RYR2: variants seen among roughly 807,000 people sequenced by gnomAD.
The protein encoded by RYR2 is cardiac muscle ryanodine receptor-calcium release channel.
Under a neutral mutation model 601.1 loss-of-function variants are expected in RYR2, and 227 were observed. The observed-to-expected ratio is 0.38, with a 90% confidence interval of 0.34 to 0.42. RYR2 has a LOEUF of 0.42. RYR2 is among the 10% of genes least tolerant of loss of function. The pLI is 1.00. For missense variants in RYR2, 4,646 were observed against 6,156.5 expected (o/e 0.75, Z 8.21); for synonymous variants, 2,223 against 2,175.1 (o/e 1.02, Z -0.61).
chr1:237,265,627 A>G (rs1043587549), intron 1 of RYR2, among the ~76,000 whole-genome samples: 4 of 152,070 alleles, frequency 2.6e-5, no homozygotes, highest in African/African-American at 9.7e-5. Context: ...TGGCCTGCTC[A>G]AGGATTTTTT....
At chr1:237,637,020 G>T (rs1483449943) in intron 44 of RYR2, among the ~76,000 whole-genome samples, 1 of 152,150 alleles carries the variant, frequency 6.6e-6, no homozygotes, top group Non-Finnish European at 1.5e-5. Flanking sequence ...GATTGTCTGG[G>T]ACTAGGTGTG....
At position 237,815,192 on chromosome 1, in the gene RYR2, T is replaced by C. The variant is rs114805453; in HGVS notation, c.14434-3844T>C. The stretch of plus-strand genomic sequence containing the variant: ...GCACCTTCCTTCCTCATTACTCAGA[T>C]TGTCTGAAAGAAGCACATCTTTTTG... On this transcript the variant is annotated intron_variant, in intron 100 of 104. Transcript: ENST00000366574. Among the ~76,000 whole-genome samples, 111 of 152,286 alleles carry C rather than the reference T, an allele frequency of 7.3e-4. 1 individual carries two copies. The highest frequency in any genetic ancestry group is 2.3e-3 in the African/African-American group (95 of 41,566).
rs1301505729 is a variant in RYR2 at position 237,711,801 on chromosome 1, T to C, written c.10287T>C (p.Ser3429=). The change falls in exon 71 of 105, where the codon TCT becomes TCC. Residue 3429 remains serine, a synonymous_variant. Transcript: ENST00000366574. ...FVVQNEINNM[S]FLITDTKSKM... is the part of the protein sequence containing the mutation. The stretch of plus-strand genomic sequence containing the variant: ...TACAGAATGAAATCAACAATATGTC[T>C]TTCCTTATTACTGATACCAAGTCAA... 1 of 1,566,208 alleles carries C rather than the reference T, an allele frequency of 6.4e-7. No individual in the cohort carries two copies. The highest frequency in any genetic ancestry group is 1.1e-5 in the South Asian group (1 of 89,218).
chr1:237,199,271 C>A (rs143813299), intron 1 of RYR2, among the ~76,000 whole-genome samples: 102 of 152,300 alleles, frequency 6.7e-4, no homozygotes, highest in Non-Finnish European at 1.1e-3. Context: ...CCACAATAGG[C>A]CATCTGCAAG....
chr1:237,423,296 A>G, intron 12 of RYR2, 48 bp downstream of exon 12: 1 of 1,570,794 alleles, frequency 6.4e-7, no homozygotes, highest in Non-Finnish European at 8.7e-7. Context: ...ACCCGGTCAT[A>G]TTTCCTTTGA....
intron 1 of RYR2, among the ~76,000 whole-genome samples, chr1:237,251,756 A>G (rs1687486580): frequency 6.6e-6 from 1 of 152,148 alleles, no homozygotes; most frequent in South Asian, 2.1e-4. Context: ...TGCCAACTTG[A>G]TATCTCACTT....
At chr1:237,159,007 G>C (rs1021308488) in intron 1 of RYR2, among the ~76,000 whole-genome samples, 1 of 152,220 alleles carries the variant, frequency 6.6e-6, no homozygotes, top group African/African-American at 2.4e-5. Flanking sequence ...TATGAGTAAG[G>C]CCAGGCGCAG....
intron 1 of RYR2, among the ~76,000 whole-genome samples, chr1:237,068,808 C>A (rs1250250263): frequency 1.3e-5 from 2 of 152,086 alleles, no homozygotes; most frequent in African/African-American, 2.4e-5. Flanking sequence ...ATAAAATGAA[C>A]TTCCCTTTAC....
intron 58 of RYR2, among the ~76,000 whole-genome samples, chr1:237,669,329 C>T (rs549865961): frequency 6.6e-6 from 1 of 152,144 alleles, no homozygotes; most frequent in African/African-American, 2.4e-5. Context: ...CCCCACCTTT[C>T]CCCCCTCTCT....
At chr1:237,828,178 C>T (rs965752870) in intron 101 of RYR2, among the ~76,000 whole-genome samples, 1 of 152,066 alleles carries the variant, frequency 6.6e-6, no homozygotes, top group Non-Finnish European at 1.5e-5. Flanking sequence ...AGTGTATGTC[C>T]CAGTAACTGC....
intron 20 of RYR2, among the ~76,000 whole-genome samples, chr1:237,498,794 G>A (rs530712815): frequency 1.4e-4 from 22 of 152,276 alleles, no homozygotes; most frequent in African/African-American, 5.3e-4. Context: ...AAAATTTAGT[G>A]AATCTGTGGA....
At position 237,602,008 on chromosome 1, in the gene RYR2, C is replaced by T; in HGVS notation, c.4597-17C>T. The T allele has an allele frequency of 6.2e-7, 1 of 1,601,864 alleles. No individual in the cohort carries two copies. The highest frequency in any genetic ancestry group is 8.5e-7 in the Non-Finnish European group (1 of 1,171,640). ...GTTTCATTACTAACATTATTAAATTCATTAAATGTATTTCAGGTGGAACCG... is the reference window on the plus strand; with the variant it reads ...GTTTCATTACTAACATTATTAAATTTATTAAATGTATTTCAGGTGGAACCG... On this transcript the variant is annotated splice_polypyrimidine_tract_variant and intron_variant, in intron 34 of 104. Coordinates refer to ENST00000366574, the MANE Select transcript of RYR2 (RefSeq NM_001035.3).
At chr1:237,210,097 C>A (rs918220961) in intron 1 of RYR2, among the ~76,000 whole-genome samples, 1 of 148,362 alleles carries the variant, frequency 6.7e-6, no homozygotes, top group Non-Finnish European at 1.5e-5. Flanking sequence ...ATTCATTTTT[C>A]TGTGTATCTG....
chr1:237,395,317 G>C (rs1256503500), intron 10 of RYR2, among the ~76,000 whole-genome samples: 1 of 152,060 alleles, frequency 6.6e-6, no homozygotes, highest in Non-Finnish European at 1.5e-5. Context: ...GGATATTTTT[G>C]TCAGCCTATA....
intron 63 of RYR2, among the ~76,000 whole-genome samples, chr1:237,698,500 A>T (rs886895490): frequency 6.6e-6 from 1 of 152,186 alleles, no homozygotes; most frequent in Non-Finnish European, 1.5e-5. Flanking sequence ...GAATTCAGGC[A>T]AATTAATTCA....
At chr1:237,676,125 T>C (rs1044011872) in intron 60 of RYR2, among the ~76,000 whole-genome samples, 8 of 152,120 alleles carry the variant, frequency 5.3e-5, no homozygotes, top group Non-Finnish European at 1.2e-4. Context: ...CTGATCTACA[T>C]TTGAAAGGAT....
In RYR2 at chr1:237,180,791, C is replaced by A; in HGVS notation, c.49-89706C>A. On this transcript the variant is annotated intron_variant, in intron 1 of 104. Coordinates refer to ENST00000366574, the MANE Select transcript of RYR2 (RefSeq NM_001035.3). The surrounding 1 kb of genome is among the most constrained non-coding windows in gnomAD (Gnocchi z 5.3). ...TAGTAATATGCTAACATGAATTATA[C>A]CAATTATATAATAATTACTAATTTC... Among the ~76,000 whole-genome samples the A allele has an allele frequency of 6.9e-6, 1 of 145,432 alleles. No individual in the cohort carries two copies.
At chr1:237,756,803 G>A (rs1438356277) in intron 81 of RYR2, among the ~76,000 whole-genome samples, 2 of 152,154 alleles carry the variant, frequency 1.3e-5, no homozygotes, top group African/African-American at 2.4e-5. Context: ...CACAAACAGC[G>A]TGGCTGTGTT....
intron 48 of RYR2, among the ~76,000 whole-genome samples, chr1:237,646,274 G>A (rs1682144712): frequency 6.6e-6 from 1 of 151,438 alleles, no homozygotes; most frequent in African/African-American, 2.4e-5. Context: ...CTGGGAGACG[G>A]AGGTTGCAGT....
Sources: gnomAD v4.1 joint callset for allele counts (sites outside exome capture counted in the v4.1 genomes callset) on GRCh38, gnomAD v4.1.1 for gene constraint, Gnocchi (gnomAD v3.1) non-coding constraint, MANE v1.5 for transcripts, NCBI Gene and HGNC (gene_info 2026-07-23, HGNC 2026-07-21) for gene names.